Variants in SCHIP1 observed in about 807,000 individuals in gnomAD.
The protein encoded by SCHIP1 is schwannomin-interacting protein 1.
Under a neutral mutation model 29.7 loss-of-function variants are expected in SCHIP1, and 8 were observed. The ratio of observed to expected loss-of-function variants is 0.27; its 90% CI spans 0.16 to 0.49. The LOEUF is 0.49. SCHIP1 is among the 20% of genes least tolerant of loss of function. SCHIP1 has a pLI of 0.99. For missense variants in SCHIP1, 193 were observed against 294.6 expected (o/e 0.66, Z 2.52); for synonymous variants, 76 against 94.9 (o/e 0.80, Z 1.16).
At chr3:159,765,662 A>G in the SCHIP1 span, 1 of 152,798 alleles carries the variant, frequency 6.5e-6, no homozygotes, top group South Asian at 2.1e-4. Flanking sequence ...GTCTTGTGTT[A>G]AGCAGATGCT....
chr3:159,740,294 C>A, the SCHIP1 span, among the ~76,000 whole-genome samples: 5 of 152,340 alleles, frequency 3.3e-5, no homozygotes, highest in East Asian at 5.8e-4. Flanking sequence ...CATACCCACA[C>A]TGGTGAATGG....
chr3:159,828,374 T>C, the SCHIP1 span, among the ~76,000 whole-genome samples: 15,311 of 93,946 alleles, frequency 0.16, 1,527 homozygotes, highest in Middle Eastern at 0.32. Flanking sequence ...TATATATATA[T>C]ACATATATAT....
chr3:159,477,483 G>A, the SCHIP1 span, among the ~76,000 whole-genome samples: 2 of 152,066 alleles, frequency 1.3e-5, no homozygotes, highest in African/African-American at 2.4e-5. Flanking sequence ...TATTCTAACA[G>A]GTGTGAGATG....
the SCHIP1 span, among the ~76,000 whole-genome samples, chr3:159,609,206 C>T: frequency 1.3e-5 from 2 of 152,174 alleles, no homozygotes; most frequent in African/African-American, 2.4e-5. Context: ...AAAGGAAGAG[C>T]TATTCTAGTC....
At chr3:159,465,315 TTGTGTG>T in the SCHIP1 span, among the ~76,000 whole-genome samples, 983 of 148,366 alleles carry the variant, frequency 6.6e-3, 5 homozygotes, top group African/African-American at 0.022. Flanking sequence ...ATGTGTATGA[TTGTGTG>T]TGTGTGTGTG....
the SCHIP1 span, among the ~76,000 whole-genome samples, chr3:159,459,924 T>C: frequency 6.6e-6 from 1 of 152,058 alleles, no homozygotes; most frequent in African/African-American, 2.4e-5. Flanking sequence ...AAGAAACCAA[T>C]CCTGCCAACA....
the SCHIP1 span, among the ~76,000 whole-genome samples, chr3:159,446,477 G>A: frequency 2.0e-5 from 3 of 151,482 alleles, no homozygotes; most frequent in East Asian, 6.1e-4. Flanking sequence ...TTGCAATACA[G>A]CAATACAGTA....
chr3:159,362,313 G>A, the SCHIP1 span, among the ~76,000 whole-genome samples: 1 of 152,184 alleles, frequency 6.6e-6, no homozygotes, highest in Non-Finnish European at 1.5e-5. Context: ...TACTGAAAAG[G>A]ATGGTGCAGA....
the SCHIP1 span, among the ~76,000 whole-genome samples, chr3:159,304,197 A>G: frequency 6.6e-6 from 1 of 152,164 alleles, no homozygotes; most frequent in African/African-American, 2.4e-5. Context: ...GATCCAAATC[A>G]TGCATTTGTT....
At chr3:159,832,340 T>C in the SCHIP1 span, among the ~76,000 whole-genome samples, 44,327 of 152,072 alleles carry the variant, frequency 0.29, 6,617 homozygotes, top group Middle Eastern at 0.41. Context: ...CCAGTTCTTC[T>C]AGCACCTGGC....
chr3:159,681,112 A>G, the SCHIP1 span, among the ~76,000 whole-genome samples: 1 of 152,094 alleles, frequency 6.6e-6, no homozygotes, highest in Middle Eastern at 3.4e-3. Context: ...TATGCCACAC[A>G]TGGTCTTGGT....
the SCHIP1 span, among the ~76,000 whole-genome samples, chr3:159,800,320 G>A: frequency 4.9e-4 from 75 of 152,244 alleles, no homozygotes; most frequent in South Asian, 2.1e-4. Context: ...TCTCCAATGC[G>A]CAGAGATCTC....
At chr3:159,578,062 G>T in the SCHIP1 span, among the ~76,000 whole-genome samples, 1 of 152,150 alleles carries the variant, frequency 6.6e-6, no homozygotes, top group Admixed American at 6.6e-5. Flanking sequence ...GAGGGACCCG[G>T]TTTTGGGGGG....
the SCHIP1 span, among the ~76,000 whole-genome samples, chr3:159,301,693 C>G: frequency 6.6e-6 from 1 of 152,154 alleles, no homozygotes; most frequent in Non-Finnish European, 1.5e-5. Context: ...CTTTCAATCT[C>G]TCTCTCCTGT....
the SCHIP1 span, among the ~76,000 whole-genome samples, chr3:159,720,202 G>A: frequency 8.1e-6 from 1 of 123,952 alleles, no homozygotes; most frequent in African/African-American, 3.0e-5. Flanking sequence ...CACAGGGTGG[G>A]GAACATCACA....
chr3:159,772,189 C>T, the SCHIP1 span, among the ~76,000 whole-genome samples: 1 of 152,198 alleles, frequency 6.6e-6, no homozygotes, highest in African/African-American at 2.4e-5. Flanking sequence ...CTCGCTCTGT[C>T]GCCCAGGCTG....
At chr3:159,402,101 C>A in the SCHIP1 span, among the ~76,000 whole-genome samples, 2 of 152,006 alleles carry the variant, frequency 1.3e-5, no homozygotes, top group South Asian at 2.1e-4. Context: ...ACAAACAACC[C>A]CATCAAAAAG....
At chr3:159,720,237 G>C in the SCHIP1 span, among the ~76,000 whole-genome samples, 1 of 125,780 alleles carries the variant, frequency 8.0e-6, no homozygotes, top group Non-Finnish European at 1.7e-5. Flanking sequence ...GTGGGGTGGG[G>C]GGAGGGGGGA....
chr3:159,676,182 G>A, the SCHIP1 span, among the ~76,000 whole-genome samples: 1 of 152,098 alleles, frequency 6.6e-6, no homozygotes, highest in Non-Finnish European at 1.5e-5. Context: ...TATGGGAGGG[G>A]TACTGGGCTC....
Sources: allele counts gnomAD v4.1 joint callset (sites outside exome capture counted in the v4.1 genomes callset), GRCh38; gene constraint gnomAD v4.1.1; transcripts MANE v1.5; gene names NCBI Gene and HGNC (gene_info 2026-07-23, HGNC 2026-07-21).